Variants in MCPH1 observed in about 807,000 individuals in gnomAD.
MCPH1 encodes the protein microcephalin.
In MCPH1, 104 loss-of-function variants were observed where a neutral mutation model predicts 84.5. That is an observed-to-expected ratio of 1.23 (90% confidence interval 1.05 to 1.45). The LOEUF is 1.45. MCPH1 is among the 40% of genes most tolerant of loss of function. The probability of loss-of-function intolerance (pLI) is 0.00; values close to 1 mark genes in which losing one functional copy is unlikely to be tolerated. For synonymous variants in MCPH1, 514 were observed against 366.8 expected (o/e 1.40, Z -4.58); for missense variants, 1,498 against 1,005.7 (o/e 1.49, Z -6.62).
chr8:6,635,058 G>T (rs1797444034), intron 13 of MCPH1: 1 of 152,198 alleles, frequency 6.6e-6, no homozygotes, highest in Admixed American at 6.5e-5. Context: ...TGATGATGAT[G>T]AACCAGGTGG....
At chr8:6,633,729 C>CGCACCCAACGCAGATTCCCAGCCT (rs1374452860) in intron 13 of MCPH1, among the ~76,000 whole-genome samples, 11 of 152,164 alleles carry the variant, frequency 7.2e-5, no homozygotes, top group Non-Finnish European at 1.6e-4. Flanking sequence ...GCAGGCTGGA[C>CGCACCCAACGCAGATTCCCAGCCT]GCACCCAACG....
At chr8:6,433,365 G>A (rs1478895368) in intron 4 of MCPH1, among the ~76,000 whole-genome samples, 1 of 152,112 alleles carries the variant, frequency 6.6e-6, no homozygotes, top group Non-Finnish European at 1.5e-5. Context: ...AGATACAGTG[G>A]CTCACACCTG....
chr8:6,408,082 T>G (rs920799642), intron 1 of MCPH1, among the ~76,000 whole-genome samples: 4 of 152,152 alleles, frequency 2.6e-5, no homozygotes, highest in Non-Finnish European at 5.9e-5. Flanking sequence ...TTACAGAAAA[T>G]AGGTTTCTGC....
intron 12 of MCPH1, among the ~76,000 whole-genome samples, chr8:6,571,560 T>C (rs1162677237): frequency 6.6e-6 from 1 of 152,214 alleles, no homozygotes; most frequent in Non-Finnish European, 1.5e-5. Context: ...AGATTAATTC[T>C]TGTTTAATCT....
chr8:6,529,470 G>C (rs916529441), intron 12 of MCPH1, among the ~76,000 whole-genome samples: 1 of 73,394 alleles, frequency 1.4e-5, no homozygotes, highest in Non-Finnish European at 2.9e-5. Flanking sequence ...TTTTTTTTTT[G>C]AGACAGAGTC....
At chr8:6,539,469 G>A (rs900264949) in intron 12 of MCPH1, among the ~76,000 whole-genome samples, 4 of 152,158 alleles carry the variant, frequency 2.6e-5, no homozygotes, top group Admixed American at 6.5e-5. Flanking sequence ...CTCTTAGGGA[G>A]CACACTTGCC....
intron 6 of MCPH1, among the ~76,000 whole-genome samples, chr8:6,439,643 C>T (rs1024409476): frequency 2.0e-5 from 3 of 152,162 alleles, no homozygotes; most frequent in African/African-American, 4.8e-5. Flanking sequence ...GTGATACACC[C>T]GCCTCGGCCT....
chr8:6,450,885 G>A (rs1042916550), intron 8 of MCPH1, among the ~76,000 whole-genome samples: 1 of 152,016 alleles, frequency 6.6e-6, no homozygotes, highest in Non-Finnish European at 1.5e-5. Context: ...TGGGACTACA[G>A]ACGCAGGCCA....
intron 12 of MCPH1, among the ~76,000 whole-genome samples, chr8:6,512,083 G>A (rs772632760): frequency 4.0e-5 from 6 of 151,872 alleles, no homozygotes; most frequent in East Asian, 1.9e-4. Context: ...CATTCATCTC[G>A]GTTGTTGCCT....
chr8:6,505,951 G>GTA (rs559360717), intron 12 of MCPH1, among the ~76,000 whole-genome samples: 16 of 5,704 alleles, frequency 2.8e-3, no homozygotes, highest in South Asian at 9.6e-3. Context: ...CTTTATATAT[G>GTA]TATATATAAA....
At chr8:6,562,578 T>TTTTTTTTTTTTTTTTTTTTTTTA in intron 12 of MCPH1, 1 of 880,186 alleles carries the variant, frequency 1.1e-6, no homozygotes, top group Non-Finnish European at 1.6e-6. Context: ...TTTTGGTTGT[T>TTTTTTTTTTTTTTTTTTTTTTTA]AAAACCTGAG....
At chr8:6,510,643 G>A (rs569637902) in intron 12 of MCPH1, among the ~76,000 whole-genome samples, 1 of 152,280 alleles carries the variant, frequency 6.6e-6, no homozygotes, top group South Asian at 2.1e-4. Context: ...CTTGTCCGAG[G>A]TCAGACTCTT....
chr8:6,416,925 C>T lies in MCPH1; in HGVS notation c.233+2042C>T, dbSNP rs531005305. On this transcript the variant is annotated intron_variant, in intron 3 of 13. Transcript: ENST00000344683. ...AGGAGAATCACTTGAACCTGGGAGA[C>T]GGAGGTTGCAGTGAACCAAGACCAC... Among the ~76,000 whole-genome samples the T allele has an allele frequency of 7.3e-5, 11 of 151,546 alleles. No homozygotes were observed. In the South Asian group the frequency reaches 1.5e-3, roughly 20 times the overall value.
chr8:6,525,444 A>C (rs538692566), intron 12 of MCPH1, among the ~76,000 whole-genome samples: 1 of 152,160 alleles, frequency 6.6e-6, no homozygotes, highest in Non-Finnish European at 1.5e-5. Flanking sequence ...TGCCCTGGCT[A>C]GTCTCAAACT....
At chr8:6,408,499 G>C (rs1287387081) in intron 1 of MCPH1, among the ~76,000 whole-genome samples, 1 of 151,752 alleles carries the variant, frequency 6.6e-6, no homozygotes, top group Non-Finnish European at 1.5e-5. Context: ...TGGGATTACA[G>C]GCATGAGCTA....
In MCPH1 at chr8:6,455,183, C is replaced by T. The variant is rs754393094; in HGVS notation, c.1866C>T (p.Asp622=). 2.7e-5 allele frequency: 44 copies of T among 1,613,928 alleles called. No individual in the cohort carries two copies. Among genetic ancestry groups the T allele is most frequent in the African/African-American group, 2.5e-4 (19 of 74,906 alleles). ...CAACAAGGCATGATGTTTTAGATGA[C>T]TCATGTGACGGCTTTAAGGACCTCA... The part of the protein sequence containing the change: ...NRPTRHDVLD[D]SCDGFKDLIK... Residue 622 remains aspartate, a synonymous_variant, in exon 9 of 14, where the codon GAC becomes GAT. Transcript: ENST00000344683.
At position 6,600,197 on chromosome 8, in the gene MCPH1, C is replaced by A. The variant is rs181997741; in HGVS notation, c.2215-21257C>A. 9.8e-5 allele frequency among the ~76,000 whole-genome samples: 15 copies of A among 152,358 alleles called. 1 individual carries two copies. The highest frequency in any genetic ancestry group is 3.6e-4 in the African/African-American group (15 of 41,582). The stretch of plus-strand genomic sequence containing the variant: ...GACATTGCTGTCAAATCTGCAAAAC[C>A]TACTCATCCTGGCAAGAGTGCGGTA... On this transcript the variant is annotated intron_variant, in intron 12 of 13. Transcript: ENST00000344683.
chr8:6,487,765 C>T (rs1298009208), intron 11 of MCPH1, among the ~76,000 whole-genome samples: 1 of 152,174 alleles, frequency 6.6e-6, no homozygotes, highest in Non-Finnish European at 1.5e-5. Context: ...TTTTATCCTG[C>T]TACAGATTAT....
Position 6,446,660 on chromosome 8 carries a change from T to G in MCPH1, c.1825+1113T>G, listed in dbSNP as rs557614370. On this transcript the variant is annotated intron_variant, in intron 8 of 13. Transcript: ENST00000344683. ...AATATAAAACAATAGATGTGTAAAA[T>G]TCTTTGGTAGTTAAGAATATCCTGT... 1.1e-4 allele frequency: 111 copies of G among 984,096 alleles called. 1 individual carries two copies. In the African/African-American group the frequency reaches 1.8e-3, roughly 16 times the overall value. The allele number at this position is 984,096 out of a possible 1,614,324, so 61.0% of individuals were successfully genotyped here.
Sources: gnomAD v4.1 joint callset for allele counts (sites outside exome capture counted in the v4.1 genomes callset) on GRCh38, gnomAD v4.1.1 for gene constraint, MANE v1.5 for transcripts, NCBI Gene and HGNC (gene_info 2026-07-23, HGNC 2026-07-21) for gene names.